The following FIBCD1 variants were observed in gnomAD, a reference collection of about 807,000 sequenced individuals.
FIBCD1 encodes the protein fibrinogen C domain containing 1.
A neutral mutation model predicts 45.1 loss-of-function variants in FIBCD1; 47 were observed. The ratio of observed to expected loss-of-function variants is 1.04; its 90% confidence interval spans 0.82 to 1.33. FIBCD1 has a LOEUF of 1.33. FIBCD1 is among the 40% of genes most tolerant of loss of function. The pLI is 0.00. For synonymous variants in FIBCD1, 313 were observed against 308.1 expected (o/e 1.02, Z -0.17); for missense variants, 653 against 682.2 (o/e 0.96, Z 0.48).
In FIBCD1 at chr9:130,907,383, C is replaced by T. The variant is rs114046661; in HGVS notation, c.947-1970G>A. 2.8e-3 allele frequency among the ~76,000 whole-genome samples: 433 copies of T among 152,350 alleles called. 1 individual carries two copies. The highest frequency in any genetic ancestry group is 0.01 in the African/African-American group (418 of 41,570). On this transcript the variant is annotated intron_variant, in intron 5 of 6. Coordinates refer to ENST00000372338, the MANE Select transcript of FIBCD1 (RefSeq NM_032843.5). ...TTTCTCCAGCTCTCCCAGCTTTTCC[C>T]TGGCCTTCCAGGACCGCTCCCAGCC...
At chr9:130,932,085 A>G (rs1054948130) in intron 1 of FIBCD1, among the ~76,000 whole-genome samples, 1 of 152,186 alleles carries the variant, frequency 6.6e-6, no homozygotes, top group African/African-American at 2.4e-5. Context: ...ACGTTTTAGC[A>G]TCTCCAACAT....
chr9:130,923,630 A>G, intron 4 of FIBCD1, 114 bp downstream of exon 4: 2 of 1,467,234 alleles, frequency 1.4e-6, no homozygotes, highest in Non-Finnish European at 1.8e-6. Context: ...GGGCCAGTCC[A>G]CAGATCCATG....
At position 130,929,969 on chromosome 9, in the gene FIBCD1, G is replaced by A. The variant is rs757060524; in HGVS notation, c.150C>T (p.Ala50=). ...CGTGGGCGTGGTTCAGGAAGAGCAC[G>A]GCACCGGTGACAGCTACAGCCAGCA... ...AVLLAVAVTG[A]VLFLNHAHAP... Residue 50 remains alanine, a synonymous_variant, in exon 2 of 7, where the codon GCC becomes GCT. Transcript: ENST00000372338. The A allele has an allele frequency of 1.1e-5, 17 of 1,548,148 alleles. No individual in the cohort carries two copies. Among genetic ancestry groups the A allele is most frequent in the South Asian group, 9.6e-5 (8 of 83,526 alleles).
intron 5 of FIBCD1, among the ~76,000 whole-genome samples, chr9:130,906,591 C>T (rs1282773341): frequency 6.6e-6 from 1 of 152,230 alleles, no homozygotes. Context: ...CACCCAGGGT[C>T]CCCACCTCCC....
At chr9:130,918,204 C>G (rs534205468) in intron 4 of FIBCD1, among the ~76,000 whole-genome samples, 1 of 152,364 alleles carries the variant, frequency 6.6e-6, no homozygotes, top group Admixed American at 6.5e-5. Flanking sequence ...TGCTGGTGCA[C>G]AGCATTCAAC....
At chr9:130,915,625 C>T (rs532463114) in intron 4 of FIBCD1, among the ~76,000 whole-genome samples, 10 of 152,290 alleles carry the variant, frequency 6.6e-5, no homozygotes, top group Admixed American at 4.6e-4. Context: ...ATCACTTGAA[C>T]CCAGGAGGCG....
chr9:130,911,658 T>C (rs1832050774), intron 5 of FIBCD1, 134 bp downstream of exon 5: 4 of 706,806 alleles, frequency 5.7e-6, no homozygotes, highest in Non-Finnish European at 9.8e-6. Flanking sequence ...GCATGACACC[T>C]GTGAGCTGGC....
chr9:130,930,077 G>A, intron 1 of FIBCD1, 31 bp from the exon 2 acceptor site: 1 of 1,484,664 alleles, frequency 6.7e-7, no homozygotes, highest in South Asian at 1.4e-5. Context: ...CACAGACACA[G>A]ACAGACAGAC....
At chr9:130,909,522 A>G (rs1217098442) in intron 5 of FIBCD1, among the ~76,000 whole-genome samples, 1 of 152,226 alleles carries the variant, frequency 6.6e-6, no homozygotes, top group African/African-American at 2.4e-5. Flanking sequence ...TAATATTCTG[A>G]ATATACTAAA....
chr9:130,905,179 C>T, intron 6 of FIBCD1, 55 bp downstream of exon 6: 1 of 1,549,470 alleles, frequency 6.5e-7, no homozygotes, highest in African/African-American at 1.4e-5. Context: ...CTCCTCCGTC[C>T]TCCATCCTCC....
chr9:130,909,108 C>CCAG (rs1831989279), intron 5 of FIBCD1, among the ~76,000 whole-genome samples: 1 of 152,132 alleles, frequency 6.6e-6, no homozygotes, highest in South Asian at 2.1e-4. Context: ...AGCCTCCCTA[C>CCAG]CAGCTCTGAC....
intron 4 of FIBCD1, among the ~76,000 whole-genome samples, chr9:130,921,477 C>T (rs956483399): frequency 6.6e-6 from 1 of 152,210 alleles, no homozygotes; most frequent in Non-Finnish European, 1.5e-5. Flanking sequence ...TGAGAATGGC[C>T]TCTCTCCCAG....
chr9:130,913,855 A>G (rs947311780), intron 4 of FIBCD1, among the ~76,000 whole-genome samples: 3 of 152,160 alleles, frequency 2.0e-5, no homozygotes, highest in Admixed American at 1.3e-4. Flanking sequence ...CCTGGCTGGC[A>G]TTGGCCGTCG....
chr9:130,925,702 C>CTGAGGTTGAG, intron 2 of FIBCD1, among the ~76,000 whole-genome samples: 1 of 152,252 alleles, frequency 6.6e-6, no homozygotes, highest in South Asian at 2.1e-4. Context: ...TGTTGAGTGC[C>CTGAGGTTGAG]TGAAGGGTCT....
intron 1 of FIBCD1, among the ~76,000 whole-genome samples, chr9:130,933,358 C>T (rs938437265): frequency 1.3e-5 from 2 of 152,150 alleles, no homozygotes; most frequent in Non-Finnish European, 2.9e-5. Flanking sequence ...GCTGGGTGCA[C>T]TCCCTGGGGG....
intron 4 of FIBCD1, 142 bp downstream of exon 4, chr9:130,923,601 GC>G: frequency 7.7e-7 from 1 of 1,304,072 alleles, no homozygotes; most frequent in Non-Finnish European, 1.0e-6. Flanking sequence ...GTCAGGCCAG[GC>G]AGAAGGGCAC....
chr9:130,920,957 C>T (rs1832250378), intron 4 of FIBCD1, among the ~76,000 whole-genome samples: 1 of 152,240 alleles, frequency 6.6e-6, no homozygotes, highest in African/African-American at 2.4e-5. Flanking sequence ...GAGCGTGTGC[C>T]ACTGTGGGAG....
At chr9:130,913,420 T>A (rs1832101791) in intron 4 of FIBCD1, among the ~76,000 whole-genome samples, 1 of 152,258 alleles carries the variant, frequency 6.6e-6, no homozygotes, top group African/African-American at 2.4e-5. Context: ...ACTGCCCGGA[T>A]GCCCGGTCTG....
chr9:130,911,975 C>T, intron 4 of FIBCD1, 87 bp from the exon 5 acceptor site: 1 of 1,240,264 alleles, frequency 8.1e-7, no homozygotes, highest in Non-Finnish European at 1.1e-6. Flanking sequence ...CAGAGACTCC[C>T]CTCACCCTGC....
Sources: allele counts gnomAD v4.1 joint callset (sites outside exome capture counted in the v4.1 genomes callset), GRCh38; gene constraint gnomAD v4.1.1; transcripts MANE v1.5; gene names NCBI Gene and HGNC (gene_info 2026-07-23, HGNC 2026-07-21).